The following ZNF92 variants were observed in gnomAD, a reference collection of about 807,000 sequenced individuals.
ZNF92 encodes the protein epididymis luminal protein 203.
ZNF92 carries 11 observed loss-of-function variants against 12.4 expected under a neutral mutation model. That is an observed-to-expected ratio of 0.89 (90% CI 0.56 to 1.47). The LOEUF (loss-of-function observed/expected upper bound fraction) is 1.47, where lower values mean the gene tolerates loss of function less well. Among genes scored for constraint, ZNF92 ranks in the 40% most tolerant of loss-of-function variants. ZNF92 has a pLI of 0.00. For missense variants in ZNF92, 622 were observed against 681.0 expected (o/e 0.91, Z 0.96); for synonymous variants, 206 against 228.6 (o/e 0.90, Z 0.89).
chr7:65,400,045 A>G lies in ZNF92; in HGVS notation c.*170A>G. The G allele has an allele frequency of 3.3e-6, 2 of 598,488 alleles. No homozygotes were observed. Among genetic ancestry groups the G allele is most frequent in the Non-Finnish European group, 5.5e-6 (2 of 363,218 alleles). 37.1% of individuals were successfully genotyped at this position (598,488 alleles called of 1,614,324 possible). A position where few individuals can be genotyped will look rare whatever the true frequency, so the allele number is the denominator to read the frequency against. ...TCCTCCAAGTATGAAGAATGTGGCA[A>G]ACTTTTAACCAATCCTCACACCTTA... On this transcript the variant is annotated 3_prime_UTR_variant, in exon 4 of 4. Transcript: ENST00000328747.
At chr7:65,383,797 A>G (rs1006834355) in intron 1 of ZNF92, among the ~76,000 whole-genome samples, 1 of 152,078 alleles carries the variant, frequency 6.6e-6, no homozygotes, top group South Asian at 2.1e-4. Context: ...TCTGTTTTCT[A>G]TTTAGAATCA....
intron 1 of ZNF92, among the ~76,000 whole-genome samples, chr7:65,385,330 G>A (rs1238245972): frequency 1.3e-5 from 2 of 152,222 alleles, no homozygotes; most frequent in Admixed American, 6.5e-5. Context: ...TAGCCAGTTT[G>A]CAGAAATCTC....
rs75187733 is a variant in ZNF92 at position 65,395,515 on chromosome 7, C to T, written c.227-2826C>T. The stretch of plus-strand genomic sequence containing the variant: ...GTTTGGATGTTCATGTTCTTCAAAC[C>T]TCATGCTGCGATGTAATCCTCAATG... On this transcript the variant is annotated intron_variant, in intron 3 of 3. Transcript: ENST00000328747. 9.7e-3 allele frequency among the ~76,000 whole-genome samples: 1,472 copies of T among 152,112 alleles called. 25 individuals are homozygous for T. Among genetic ancestry groups the T allele is most frequent in the African/African-American group, 0.034 (1,399 of 41,488 alleles).
intron 1 of ZNF92, among the ~76,000 whole-genome samples, chr7:65,375,652 A>G (rs920688796): frequency 6.6e-6 from 1 of 151,860 alleles, no homozygotes; most frequent in African/African-American, 2.4e-5. Context: ...GATCGAGACC[A>G]TCCTGGCCAA....
intron 2 of ZNF92, 128 bp from the exon 3 acceptor site, chr7:65,388,678 G>A (rs774687287): frequency 2.9e-6 from 2 of 689,090 alleles, no homozygotes; most frequent in Non-Finnish European, 4.3e-6. Context: ...TTAGATATTT[G>A]TCATAAATTA....
intron 1 of ZNF92, among the ~76,000 whole-genome samples, chr7:65,386,006 A>T (rs1365531236): frequency 6.6e-6 from 1 of 151,900 alleles, no homozygotes; most frequent in Non-Finnish European, 1.5e-5. Context: ...ATTATAGTCA[A>T]GTATCTGAAA....
chr7:65,398,986 G>T lies in ZNF92; in HGVS notation c.872G>T (p.Gly291Val). ...EEKPYKCEEC[G>V]KAFNQFSILN... ...AAACCCTACAAATGTGAAGAATGTG[G>T]CAAGGCCTTTAACCAGTTCTCGATT... Residue 291 changes from glycine to valine, a missense_variant, in exon 4 of 4, where the codon GGC (glycine) becomes GTC (valine). Transcript: ENST00000328747. 6.2e-7 allele frequency: 1 copy of T among 1,613,396 alleles called. No homozygotes were observed. The highest frequency in any genetic ancestry group is 8.5e-7 in the Non-Finnish European group (1 of 1,179,784).
At chr7:65,397,760 GTTTTT>G (rs1015235337) in intron 3 of ZNF92, among the ~76,000 whole-genome samples, 1 of 152,110 alleles carries the variant, frequency 6.6e-6, no homozygotes, top group Non-Finnish European at 1.5e-5. Context: ...GTTCATTTGT[GTTTTT>G]TGTTAAGTCG....
chr7:65,399,348 C>G lies in ZNF92; in HGVS notation c.1234C>G (p.Leu412Val). Reference sequence around the variant, plus strand: ...CAAAGCTTTTAAACAGTCCTCAACCCTTACTGAACATAAGATAATTCATAC... The same window carrying G: ...CAAAGCTTTTAAACAGTCCTCAACCGTTACTGAACATAAGATAATTCATAC... ...CGKAFKQSST[L>V]TEHKIIHTGE... is the part of the protein sequence containing the mutation. Residue 412 changes from leucine (L) to valine (V), a missense_variant, in exon 4 of 4, where the codon CTT becomes GTT. By Grantham distance (32) the Leu-to-Val change is conservative. Transcript: ENST00000328747. 6.2e-7 allele frequency: 1 copy of G among 1,612,678 alleles called. No individual in the cohort carries two copies. The highest frequency in any genetic ancestry group is 8.5e-7 in the Non-Finnish European group (1 of 1,179,580).
intron 2 of ZNF92, 111 bp downstream of exon 2, chr7:65,388,139 G>C: frequency 8.2e-7 from 1 of 1,226,730 alleles, no homozygotes; most frequent in Non-Finnish European, 1.1e-6. Flanking sequence ...TCAGATCCCA[G>C]TTTTCAAGAA....
chr7:65,395,023 G>A (rs900295036), intron 3 of ZNF92, among the ~76,000 whole-genome samples: 2 of 152,044 alleles, frequency 1.3e-5, no homozygotes, highest in African/African-American at 4.8e-5. Flanking sequence ...TTAATTCCTA[G>A]TTTCTTTCAG....
intron 1 of ZNF92, among the ~76,000 whole-genome samples, chr7:65,385,502 A>G (rs371080720): frequency 6.6e-6 from 1 of 152,034 alleles, no homozygotes; most frequent in East Asian, 1.9e-4. Flanking sequence ...GGTGGTCACA[A>G]GGCCTGTTTT....
chr7:65,374,882 G>A (rs567996732), intron 1 of ZNF92, among the ~76,000 whole-genome samples: 1 of 152,078 alleles, frequency 6.6e-6, no homozygotes, highest in East Asian at 1.9e-4. Context: ...CATTCCTCCA[G>A]CTTAATTCTG....
intron 1 of ZNF92, among the ~76,000 whole-genome samples, chr7:65,380,705 G>C (rs1793384084): frequency 6.6e-6 from 1 of 152,098 alleles, no homozygotes; most frequent in Non-Finnish European, 1.5e-5. Flanking sequence ...TATTCTTTGG[G>C]TATATACCTA....
chr7:65,390,771 G>C (rs1793690492), intron 3 of ZNF92, among the ~76,000 whole-genome samples: 1 of 151,948 alleles, frequency 6.6e-6, no homozygotes, highest in Admixed American at 6.6e-5. Flanking sequence ...GCCATAAACT[G>C]TGGCTCAGAG....
In ZNF92 at chr7:65,398,406, G is replaced by T. The variant is rs143922756; in HGVS notation, c.292G>T (p.Val98Leu). The T allele has an allele frequency of 1.2e-6, 2 of 1,608,682 alleles. No homozygotes were observed. Among genetic ancestry groups the T allele is most frequent in the Non-Finnish European group, 1.7e-6 (2 of 1,178,400 alleles). Residue 98 changes from valine to leucine, a missense_variant, in exon 4 of 4, where the codon GTG (valine) becomes TTG (leucine). Transcript: ENST00000328747. ...EHSIKDSFQK[V>L]ILRTYGKYGH... is the part of the protein sequence containing the mutation. ...CAGCATAAAAGATTCTTTCCAAAAA[G>T]TGATACTGAGAACATATGGAAAATA...
intron 1 of ZNF92, among the ~76,000 whole-genome samples, chr7:65,382,548 G>C (rs2116351928): frequency 6.6e-6 from 1 of 152,086 alleles, no homozygotes; most frequent in East Asian, 1.9e-4. Context: ...ATCACATCTA[G>C]AGAGGCTAGA....
At position 65,399,579 on chromosome 7, in the gene ZNF92, G is replaced by T. The variant is rs763485913; in HGVS notation, c.1465G>T (p.Ala489Ser). 6 of 1,613,558 alleles carry T rather than the reference G, an allele frequency of 3.7e-6. No individual in the cohort carries two copies. The highest frequency in any genetic ancestry group is 2.2e-5 in the South Asian group (2 of 91,030). ...CTACAAATGTGAAGAATGTGGCAAA[G>T]CCTTTAACCAGTCCTCAATTTTTAC... is the stretch of plus-strand genomic sequence containing the variant. ...KPYKCEECGK[A>S]FNQSSIFTKH... Residue 489 changes from alanine to serine, a missense_variant, in exon 4 of 4, where the codon GCC becomes TCC. Physicochemically the swap from Ala to Ser is moderately conservative, Grantham distance 99. Transcript: ENST00000328747.
At chr7:65,383,850 C>G (rs1209174104) in intron 1 of ZNF92, among the ~76,000 whole-genome samples, 1 of 152,100 alleles carries the variant, frequency 6.6e-6, no homozygotes, top group Non-Finnish European at 1.5e-5. Flanking sequence ...GCCATCAGCC[C>G]AGGATCACTG....
Sources: gnomAD v4.1 joint callset for allele counts (sites outside exome capture counted in the v4.1 genomes callset) on GRCh38, gnomAD v4.1.1 for gene constraint, MANE v1.5 for transcripts, NCBI Gene and HGNC (gene_info 2026-07-23, HGNC 2026-07-21) for gene names.